The following PHACTR4 variants were observed in gnomAD, a reference collection of about 807,000 sequenced individuals.
PHACTR4 encodes protein phosphatase 1, regulatory subunit 124.
In PHACTR4, 51 loss-of-function variants were observed where a neutral mutation model predicts 72.7. That is an observed-to-expected ratio of 0.70 (90% CI 0.56 to 0.89). PHACTR4 has a LOEUF of 0.89. Among genes scored for constraint, PHACTR4 ranks in the 40% least tolerant of loss-of-function variants. The pLI, the probability that PHACTR4 is intolerant of heterozygous loss-of-function variation, is 0.00. For missense variants in PHACTR4, 731 were observed against 861.8 expected (o/e 0.85, Z 1.90); for synonymous variants, 255 against 302.5 (o/e 0.84, Z 1.63).
At chr1:28,451,888 C>T (rs1043813022) in intron 2 of PHACTR4, among the ~76,000 whole-genome samples, 3 of 152,006 alleles carry the variant, frequency 2.0e-5, no homozygotes, top group African/African-American at 7.3e-5. Context: ...ATCCCCACTA[C>T]CTCGACCTCC....
chr1:28,492,220 C>T (rs1424021886), intron 12 of PHACTR4, among the ~76,000 whole-genome samples: 4 of 151,614 alleles, frequency 2.6e-5, no homozygotes, highest in Non-Finnish European at 4.4e-5. Flanking sequence ...AGGGATCACT[C>T]GAGGTAAGGA....
intron 8 of PHACTR4, among the ~76,000 whole-genome samples, chr1:28,479,364 G>T: frequency 6.7e-6 from 1 of 148,368 alleles, no homozygotes; most frequent in East Asian, 2.0e-4. Context: ...AAGTCGCAGT[G>T]AGCCAAGACT....
chr1:28,439,481 C>T (rs1656848814), intron 2 of PHACTR4, among the ~76,000 whole-genome samples: 1 of 152,096 alleles, frequency 6.6e-6, no homozygotes. Flanking sequence ...GAAACTGAGG[C>T]ACATGGATCA....
At chr1:28,430,320 G>C (rs543199824) in intron 2 of PHACTR4, among the ~76,000 whole-genome samples, 1 of 152,220 alleles carries the variant, frequency 6.6e-6, no homozygotes, top group Non-Finnish European at 1.5e-5. Flanking sequence ...CACTGCGCCC[G>C]GCCTTCCAGA....
chr1:28,432,995 G>T, intron 2 of PHACTR4: 1 of 821,548 alleles, frequency 1.2e-6, no homozygotes, highest in Non-Finnish European at 1.5e-6. Context: ...ACCCCCGCTT[G>T]GCCTCCCAAA....
rs895938332 is a variant in PHACTR4, at chr1:28,491,285, C to G, written c.1878+273C>G. On this transcript the variant is annotated intron_variant, in intron 11 of 13. Transcript: ENST00000373839. The stretch of plus-strand genomic sequence containing the variant: ...CAGCCTGGGCAACATGGCAAGACCC[C>G]ACCTCTACAAAAAAAAATATATATT... Among the ~76,000 whole-genome samples, 5 of 150,982 alleles carry G rather than the reference C, an allele frequency of 3.3e-5. No homozygotes were observed. The East Asian group carries it at 9.7e-4, about 29-fold the overall frequency.
chr1:28,385,672 G>A lies in PHACTR4; in HGVS notation c.-39+15847G>A, dbSNP rs551530888. Reference sequence around the variant, plus strand: ...CATTCTGTTGCCCAGGCTGGAGTGCGGTGGTGCGATTCCAACTCACTGCAA... The same window carrying A: ...CATTCTGTTGCCCAGGCTGGAGTGCAGTGGTGCGATTCCAACTCACTGCAA... On this transcript the variant is annotated intron_variant, in intron 1 of 13. Coordinates refer to ENST00000373839, the MANE Select transcript of PHACTR4 (RefSeq NM_001048183.3). Among the ~76,000 whole-genome samples, 28 of 146,566 alleles carry A rather than the reference G, an allele frequency of 1.9e-4. No homozygotes were observed. In the South Asian group the frequency reaches 5.0e-3, roughly 26 times the overall value.
intron 9 of PHACTR4, 48 bp downstream of exon 9, chr1:28,480,652 T>G (rs1205487860): frequency 1.9e-6 from 3 of 1,606,692 alleles, no homozygotes; most frequent in Non-Finnish European, 2.6e-6. Context: ...ATGCCAGTAT[T>G]TGTGTTAGAT....
At chr1:28,420,123 G>A (rs548548886) in intron 2 of PHACTR4, among the ~76,000 whole-genome samples, 2 of 152,196 alleles carry the variant, frequency 1.3e-5, no homozygotes, top group South Asian at 2.1e-4. Context: ...GAGTGGTCTC[G>A]CAGTACTGTG....
At chr1:28,412,975 G>A (rs1312546574) in intron 2 of PHACTR4, among the ~76,000 whole-genome samples, 7 of 152,182 alleles carry the variant, frequency 4.6e-5, no homozygotes, top group Admixed American at 4.6e-4. Context: ...CAGGAGGTGA[G>A]CAGTGGGCCA....
chr1:28,382,183 C>T (rs1286285699), intron 1 of PHACTR4, among the ~76,000 whole-genome samples: 1 of 152,202 alleles, frequency 6.6e-6, no homozygotes, highest in Admixed American at 6.5e-5. Context: ...AAATTTTCTC[C>T]CATTCTGTAG....
chr1:28,442,873 T>C (rs925404006), intron 2 of PHACTR4, among the ~76,000 whole-genome samples: 9 of 152,208 alleles, frequency 5.9e-5, no homozygotes, highest in Non-Finnish European at 1.0e-4. Context: ...TCCATATGTA[T>C]GATGTGATTA....
chr1:28,486,426 G>A (rs1293747473), intron 9 of PHACTR4, among the ~76,000 whole-genome samples: 2 of 152,164 alleles, frequency 1.3e-5, no homozygotes, highest in Non-Finnish European at 2.9e-5. Flanking sequence ...TGATTTCACA[G>A]GTGATATATG....
intron 1 of PHACTR4, among the ~76,000 whole-genome samples, chr1:28,389,564 G>A (rs577094475): frequency 8.8e-5 from 13 of 147,688 alleles, no homozygotes; most frequent in African/African-American, 2.8e-4. Context: ...TGCAACCTCC[G>A]CCTCCCAGGT....
intron 8 of PHACTR4, among the ~76,000 whole-genome samples, chr1:28,479,825 G>A (rs373114774): frequency 1.2e-4 from 19 of 152,220 alleles, no homozygotes; most frequent in South Asian, 2.1e-4. Flanking sequence ...CCTGGGAGGC[G>A]GAGGTTGCAA....
chr1:28,381,313 T>C (rs1245471745), intron 1 of PHACTR4, among the ~76,000 whole-genome samples: 1 of 144,870 alleles, frequency 6.9e-6, no homozygotes, highest in Non-Finnish European at 1.5e-5. Context: ...TTTTTTTTTT[T>C]TTTGAGACGG....
intron 2 of PHACTR4, among the ~76,000 whole-genome samples, chr1:28,408,701 T>C (rs913606328): frequency 6.6e-6 from 1 of 151,776 alleles, no homozygotes; most frequent in African/African-American, 2.4e-5. Context: ...TTTGAGATAG[T>C]GTCTCACTCT....
At chr1:28,469,089 G>T (rs966513556) in intron 6 of PHACTR4, among the ~76,000 whole-genome samples, 12 of 152,114 alleles carry the variant, frequency 7.9e-5, no homozygotes, top group African/African-American at 2.2e-4. Context: ...GAGCTAAATA[G>T]ATTTAATTTA....
intron 8 of PHACTR4, among the ~76,000 whole-genome samples, chr1:28,479,650 CCGAGGT>C (rs904641822): frequency 2.0e-5 from 3 of 151,572 alleles, no homozygotes; most frequent in African/African-American, 7.3e-5. Context: ...CTTTGGGAGG[CCGAGGT>C]GGGTGGATCA....
Sources: allele counts gnomAD v4.1 joint callset (sites outside exome capture counted in the v4.1 genomes callset), GRCh38; gene constraint gnomAD v4.1.1; transcripts MANE v1.5; gene names NCBI Gene and HGNC (gene_info 2026-07-23, HGNC 2026-07-21).